Variants in PPP6R3 observed in about 807,000 individuals in gnomAD.
PPP6R3 encodes serine/threonine-protein phosphatase 6 regulatory subunit 3.
In PPP6R3, 38 loss-of-function variants were observed where a neutral mutation model predicts 110.7. The ratio of observed to expected loss-of-function variants is 0.34; its 90% confidence interval spans 0.26 to 0.45. The LOEUF is 0.45. Among genes scored for constraint, PPP6R3 ranks in the 20% least tolerant of loss-of-function variants. The pLI is 1.00. For missense variants in PPP6R3, 870 were observed against 1,062.4 expected (o/e 0.82, Z 2.52); for synonymous variants, 369 against 373.5 (o/e 0.99, Z 0.14).
At chr11:68,515,932 T>C (rs1410672653) in intron 1 of PPP6R3, among the ~76,000 whole-genome samples, 1 of 152,202 alleles carries the variant, frequency 6.6e-6, no homozygotes, top group African/African-American at 2.4e-5. Context: ...ATCTTAGCCT[T>C]TTTAAGTGTA....
intron 1 of PPP6R3, among the ~76,000 whole-genome samples, chr11:68,511,021 A>G (rs991725474): frequency 6.6e-6 from 1 of 150,708 alleles, no homozygotes; most frequent in African/African-American, 2.5e-5. Flanking sequence ...TTAAATCACT[A>G]TTTAGTTTTT....
intron 6 of PPP6R3, among the ~76,000 whole-genome samples, chr11:68,552,474 G>A (rs137871214): frequency 1.6e-4 from 25 of 152,360 alleles, no homozygotes; most frequent in Non-Finnish European, 1.5e-4. Flanking sequence ...AGAATGCAAG[G>A]TATGCTCCTT....
chr11:68,558,814 C>T, intron 8 of PPP6R3, 135 bp downstream of exon 8: 1 of 650,732 alleles, frequency 1.5e-6, no homozygotes, highest in Admixed American at 3.3e-5. Flanking sequence ...CTATATAAAC[C>T]ATAGCCTAAT....
chr11:68,532,521 C>T (rs1291309410), intron 2 of PPP6R3, among the ~76,000 whole-genome samples: 1 of 152,216 alleles, frequency 6.6e-6, no homozygotes, highest in African/African-American at 2.4e-5. Context: ...CTTTGCTCCA[C>T]TGACTGGTTT....
At chr11:68,538,020 C>A in intron 3 of PPP6R3, 129 bp downstream of exon 3, 1 of 707,574 alleles carries the variant, frequency 1.4e-6, no homozygotes, top group Non-Finnish European at 2.3e-6. Context: ...TCAAGAATGA[C>A]AGGCTCGGTG....
chr11:68,521,030 C>T (rs926530471), intron 2 of PPP6R3, among the ~76,000 whole-genome samples: 1 of 152,144 alleles, frequency 6.6e-6, no homozygotes, highest in Admixed American at 6.5e-5. Flanking sequence ...CCTAGGCCTC[C>T]CAAAGTGCTG....
chr11:68,484,173 A>G (rs924516634), intron 1 of PPP6R3, among the ~76,000 whole-genome samples: 2 of 152,238 alleles, frequency 1.3e-5, no homozygotes, highest in Non-Finnish European at 1.5e-5. Flanking sequence ...AAGATGCTGT[A>G]AATATCCGTG....
Position 68,613,154 on chromosome 11 carries a change from A to G in PPP6R3, c.*37A>G, listed in dbSNP as rs187794245. ...TGCTGCTGCTGACTGAGGACTGCAGACCGCCACCACTCAGGGGCTCTGGAG... is the reference window on the plus strand; with the variant it reads ...TGCTGCTGCTGACTGAGGACTGCAGGCCGCCACCACTCAGGGGCTCTGGAG... On this transcript the variant is annotated 3_prime_UTR_variant, in exon 24 of 24. Transcript: ENST00000393800. 9 of 1,612,914 alleles carry G rather than the reference A, an allele frequency of 5.6e-6. No homozygotes were observed. The highest frequency in any genetic ancestry group is 7.6e-6 in the Non-Finnish European group (9 of 1,179,654).
intron 20 of PPP6R3, among the ~76,000 whole-genome samples, chr11:68,601,541 C>T (rs1374754747): frequency 6.6e-6 from 1 of 152,200 alleles, no homozygotes; most frequent in Non-Finnish European, 1.5e-5. Flanking sequence ...TACGTCTTTG[C>T]TGTTCAAGCT....
chr11:68,614,114 C>A lies in PPP6R3; in HGVS notation c.*997C>A. On this transcript the variant is annotated 3_prime_UTR_variant, in exon 24 of 24. Transcript: ENST00000393800. ...GCTGCTAATGGAATTAGAGTGCGTT[C>A]ATTTTACAGGCTAGTATTTTAAAAG... 1 of 986,100 alleles carries A rather than the reference C, an allele frequency of 1.0e-6. No individual in the cohort carries two copies. The highest frequency in any genetic ancestry group is 1.7e-5 in the African/African-American group (1 of 57,330). 61.1% of individuals were successfully genotyped at this position (986,100 alleles called of 1,614,324 possible). A position where few individuals can be genotyped will look rare whatever the true frequency, so the allele number is the denominator to read the frequency against.
intron 2 of PPP6R3, among the ~76,000 whole-genome samples, chr11:68,533,220 C>A (rs1280352333): frequency 1.3e-5 from 2 of 152,112 alleles, no homozygotes; most frequent in Non-Finnish European, 2.9e-5. Flanking sequence ...GACTAATTTA[C>A]CAGTGCCATT....
At chr11:68,504,752 A>G (rs1446185702) in intron 1 of PPP6R3, among the ~76,000 whole-genome samples, 1 of 152,160 alleles carries the variant, frequency 6.6e-6, no homozygotes, top group Non-Finnish European at 1.5e-5. Flanking sequence ...GAACAGTCCA[A>G]ACCTTTGTGA....
chr11:68,484,989 A>G (rs1407187535), intron 1 of PPP6R3, among the ~76,000 whole-genome samples: 1 of 152,216 alleles, frequency 6.6e-6, no homozygotes, highest in Non-Finnish European at 1.5e-5. Flanking sequence ...AACTGATATC[A>G]TGACAATATT....
At position 68,548,340 on chromosome 11, in the gene PPP6R3, G is replaced by A. The variant is rs537710801; in HGVS notation, c.552+136G>A. On this transcript the variant is annotated intron_variant, in intron 5 of 23. Transcript: ENST00000393800. ...GGTTGTCTGGGGAGCCGGTAACAGG[G>A]TGGGGAAGAAAGGTTGTTCCAAGAT... 8.6e-6 allele frequency: 10 copies of A among 1,165,476 alleles called. No individual in the cohort carries two copies. The East Asian group carries it at 2.3e-4, about 27-fold the overall frequency. 72.2% of individuals were successfully genotyped at this position (1,165,476 alleles called of 1,614,324 possible).
At chr11:68,585,015 A>G (rs1023756202) in intron 15 of PPP6R3, among the ~76,000 whole-genome samples, 2 of 152,228 alleles carry the variant, frequency 1.3e-5, no homozygotes, top group East Asian at 1.9e-4. Flanking sequence ...TTGAACTTCA[A>G]GTTCTCATTC....
At chr11:68,494,455 T>A (rs1276642784) in intron 1 of PPP6R3, among the ~76,000 whole-genome samples, 4 of 150,364 alleles carry the variant, frequency 2.7e-5, no homozygotes, top group African/African-American at 9.8e-5. Flanking sequence ...TACGCAAGTG[T>A]ATCAGCAATA....
chr11:68,612,329 C>G (rs1315358745), intron 23 of PPP6R3, among the ~76,000 whole-genome samples: 1 of 152,178 alleles, frequency 6.6e-6, no homozygotes, highest in Non-Finnish European at 1.5e-5. Context: ...AGCATTCTAG[C>G]TGTAAATTGT....
At chr11:68,589,873 G>A (rs538929827) in intron 16 of PPP6R3, among the ~76,000 whole-genome samples, 138 of 152,346 alleles carry the variant, frequency 9.1e-4, no homozygotes, top group African/African-American at 3.0e-3. Flanking sequence ...AGGCTGTTAC[G>A]TGCCTTGAGA....
At chr11:68,573,577 C>T (rs1245855752) in intron 12 of PPP6R3, among the ~76,000 whole-genome samples, 1 of 152,092 alleles carries the variant, frequency 6.6e-6, no homozygotes, top group Non-Finnish European at 1.5e-5. Context: ...TGACTGTCTC[C>T]TATCTTGGCC....
Sources: allele counts gnomAD v4.1 joint callset (sites outside exome capture counted in the v4.1 genomes callset), GRCh38; gene constraint gnomAD v4.1.1; transcripts MANE v1.5; gene names NCBI Gene and HGNC (gene_info 2026-07-23, HGNC 2026-07-21).